HSPA4: variants seen among roughly 807,000 people sequenced by gnomAD.
HSPA4 encodes heat shock protein family A (Hsp70) member 4.
HSPA4 carries 25 observed loss-of-function variants against 106.2 expected under a neutral mutation model. The ratio of observed to expected loss-of-function variants is 0.24; its 90% CI spans 0.17 to 0.33. The LOEUF is 0.33. Ranked by LOEUF, HSPA4 falls within the 10% of genes least tolerant of loss-of-function variation. The probability of loss-of-function intolerance (pLI) is 1.00; values close to 1 mark genes in which losing one functional copy is unlikely to be tolerated. For missense variants in HSPA4, 841 were observed against 996.0 expected (o/e 0.84, Z 2.10); for synonymous variants, 332 against 333.6 (o/e 1.00, Z 0.05).
chr5:133,057,447 C>T (rs962779164), intron 1 of HSPA4, among the ~76,000 whole-genome samples: 1 of 151,948 alleles, frequency 6.6e-6, no homozygotes, highest in Non-Finnish European at 1.5e-5. Context: ...CAACCTCCGC[C>T]TTTCAGGCTC....
intron 7 of HSPA4, among the ~76,000 whole-genome samples, chr5:133,085,144 T>A (rs936510854): frequency 7.7e-5 from 11 of 142,948 alleles, no homozygotes; most frequent in South Asian, 4.3e-4. Context: ...TAAAAAAAAA[T>A]TTTTTTTTTT....
At chr5:133,084,829 G>A (rs1039092177) in intron 7 of HSPA4, among the ~76,000 whole-genome samples, 3 of 150,894 alleles carry the variant, frequency 2.0e-5, no homozygotes, top group African/African-American at 7.3e-5. Context: ...CCTTTTTTTT[G>A]GAGAAAGGAT....
At chr5:133,053,171 A>G (rs549344299) in intron 1 of HSPA4, among the ~76,000 whole-genome samples, 5 of 152,258 alleles carry the variant, frequency 3.3e-5, no homozygotes, top group South Asian at 2.1e-4. Flanking sequence ...TGGGACCAGC[A>G]TAGACACAGT....
At chr5:133,055,307 AT>A (rs397999293) in intron 1 of HSPA4, among the ~76,000 whole-genome samples, 817 of 60,038 alleles carry the variant, frequency 0.014, 2 homozygotes, top group Admixed American at 0.023. Flanking sequence ...AGGAAGGTTG[AT>A]TTTTTTTTTT....
chr5:133,084,607 A>G (rs1171365250), intron 7 of HSPA4, among the ~76,000 whole-genome samples: 1 of 151,754 alleles, frequency 6.6e-6, no homozygotes, highest in African/African-American at 2.4e-5. Flanking sequence ...AATAGCTGGG[A>G]TTACAGGCAT....
Position 133,074,036 on chromosome 5 carries a change from A to G in HSPA4, c.573A>G (p.Leu191=). ...YGIYKQDLPA[L]EEKPRNVVFV... is the part of the protein sequence containing the mutation. The stretch of plus-strand genomic sequence containing the variant: ...TCTATAAGCAGGATCTTCCTGCCTT[A>G]GAAGAGAAACCAAGAAATGTAGTTT... The change falls in exon 6 of 19, where the codon TTA becomes TTG. Residue 191 remains leucine (L), a synonymous_variant. Coordinates refer to ENST00000304858, the MANE Select transcript of HSPA4 (RefSeq NM_002154.4). 1 of 1,608,158 alleles carries G rather than the reference A, an allele frequency of 6.2e-7. No individual in the cohort carries two copies. Among genetic ancestry groups the G allele is most frequent in the South Asian group, 1.1e-5 (1 of 89,774 alleles).
chr5:133,073,104 C>T, intron 4 of HSPA4, 126 bp from the exon 5 acceptor site: 3 of 590,640 alleles, frequency 5.1e-6, no homozygotes, highest in Non-Finnish European at 8.8e-6. Flanking sequence ...CTTTTCCCTA[C>T]TAGTTTGAAA....
intron 7 of HSPA4, among the ~76,000 whole-genome samples, chr5:133,083,455 G>C (rs867346992): frequency 2.0e-5 from 3 of 152,180 alleles, no homozygotes; most frequent in Non-Finnish European, 2.9e-5. Context: ...CCACCACTTA[G>C]AGTCTACTGA....
rs1367248320 is a variant in HSPA4, at chr5:133,097,295, G to A, written c.1929+9G>A. 1 of 1,610,126 alleles carries A rather than the reference G, an allele frequency of 6.2e-7. No individual in the cohort carries two copies. Among genetic ancestry groups the A allele is most frequent in the South Asian group, 1.1e-5 (1 of 90,820 alleles). On this transcript the variant is annotated intron_variant, in intron 15 of 18. Coordinates refer to ENST00000304858, the MANE Select transcript of HSPA4 (RefSeq NM_002154.4). Reference sequence around the variant, plus strand: ...AGTTTGTGAGTGAAGATGTAAGTCTGCCACAATATGCCTAACTACTGTGTG... The same window carrying A: ...AGTTTGTGAGTGAAGATGTAAGTCTACCACAATATGCCTAACTACTGTGTG...
At chr5:133,068,834 A>G (rs1344033635) in intron 3 of HSPA4, among the ~76,000 whole-genome samples, 1 of 152,214 alleles carries the variant, frequency 6.6e-6, no homozygotes, top group South Asian at 2.1e-4. Flanking sequence ...GGAGAAAAAG[A>G]CTAGGAAGAA....
chr5:133,088,299 A>C (rs1422400733), intron 8 of HSPA4, 105 bp from the exon 9 acceptor site: 2 of 738,450 alleles, frequency 2.7e-6, no homozygotes, highest in African/African-American at 1.8e-5. Flanking sequence ...GAGGTGGGTG[A>C]GGGAGTTGGA....
intron 1 of HSPA4, among the ~76,000 whole-genome samples, chr5:133,054,574 A>G (rs899585309): frequency 6.6e-6 from 1 of 152,210 alleles, no homozygotes; most frequent in East Asian, 1.9e-4. Context: ...TAGTGTAGTC[A>G]CAAAACAGTG....
In HSPA4 at chr5:133,083,539, A is replaced by T. The variant is rs565971529; in HGVS notation, c.909-3243A>T. ...AAAGCCATCAATTTTTAATTTTTTT[A>T]TTATTATTATTTTTTGAGATGGAGT... On this transcript the variant is annotated intron_variant, in intron 7 of 18. Coordinates refer to ENST00000304858, the MANE Select transcript of HSPA4 (RefSeq NM_002154.4). Among the ~76,000 whole-genome samples, 31 of 151,704 alleles carry T rather than the reference A, an allele frequency of 2.0e-4. 1 individual carries two copies. Among genetic ancestry groups the T allele is most frequent in the Middle Eastern group, 3.4e-3 (1 of 294 alleles).
chr5:133,102,548 T>C (rs932669550), intron 17 of HSPA4, among the ~76,000 whole-genome samples: 11 of 152,230 alleles, frequency 7.2e-5, no homozygotes, highest in Admixed American at 2.0e-4. Flanking sequence ...TTCCAACTTA[T>C]TGAAGCCTCA....
intron 7 of HSPA4, among the ~76,000 whole-genome samples, chr5:133,078,262 G>T (rs1348990152): frequency 6.6e-6 from 1 of 151,612 alleles, no homozygotes; most frequent in African/African-American, 2.4e-5. Context: ...AACCTGGGAG[G>T]TGTAGCTTGC....
In HSPA4 at chr5:133,067,293, A is replaced by G. The variant is rs534795683; in HGVS notation, c.166-124A>G. ...ACCATTTAGAAAAGTTTAGGGTCTG[A>G]AGAAACCAAAACCAAGAAGGAGACT... On this transcript the variant is annotated intron_variant, in intron 2 of 18. Coordinates refer to ENST00000304858, the MANE Select transcript of HSPA4 (RefSeq NM_002154.4). The G allele has an allele frequency of 4.5e-5, 37 of 813,870 alleles. No individual in the cohort carries two copies. The East Asian group carries it at 9.3e-4, about 21-fold the overall frequency. 50.4% of individuals were successfully genotyped at this position (813,870 alleles called of 1,614,324 possible). A position where few individuals can be genotyped will look rare whatever the true frequency, so the allele number is the denominator to read the frequency against.
At chr5:133,103,209 A>G (rs1029712103) in intron 17 of HSPA4, among the ~76,000 whole-genome samples, 23 of 151,782 alleles carry the variant, frequency 1.5e-4, no homozygotes, top group South Asian at 4.1e-4. Context: ...CTATAGGCAC[A>G]TGGCCCTCAT....
At chr5:133,080,417 CAAAAAAAA>C (rs33998797) in intron 7 of HSPA4, among the ~76,000 whole-genome samples, 7 of 68,138 alleles carry the variant, frequency 1.0e-4, no homozygotes, top group South Asian at 5.6e-4. Context: ...GACCCTGTCT[CAAAAAAAA>C]AAAAAAAAAA....
Position 133,092,745 on chromosome 5 carries a change from C to G in HSPA4, c.1606C>G (p.Gln536Glu), listed in dbSNP as rs918971202. 6.2e-7 allele frequency: 1 copy of G among 1,608,700 alleles called. No homozygotes were observed. The highest frequency in any genetic ancestry group is 1.4e-5 in the African/African-American group (1 of 73,650). Residue 536 changes from glutamine (Q) to glutamate (E), a missense_variant, in exon 13 of 19, where the codon CAG becomes GAG. Gln to Glu is a conservative substitution (Grantham distance 29). This residue lies in a region of HSPA4 where 328 missense variants were observed against 372.2 expected (regional missense o/e 0.88). Coordinates refer to ENST00000304858, the MANE Select transcript of HSPA4 (RefSeq NM_002154.4). ...GGAACCACATGTTGAAGAGCAACAGCAGCAGACACCAGCAGAAAATAAGGC... is the reference window on the plus strand; with the variant it reads ...GGAACCACATGTTGAAGAGCAACAGGAGCAGACACCAGCAGAAAATAAGGC... ...QEEPHVEEQQ[Q>E]QTPAENKAES...
Sources: gnomAD v4.1 joint callset for allele counts (sites outside exome capture counted in the v4.1 genomes callset) on GRCh38, gnomAD v4.1.1 for gene constraint, gnomAD v4.1.1 regional missense constraint, MANE v1.5 for transcripts, NCBI Gene and HGNC (gene_info 2026-07-23, HGNC 2026-07-21) for gene names.